EYS: variants seen among roughly 807,000 people sequenced by gnomAD.
EYS encodes the protein EGF-like photoreceptor maintenance factor, also known as protein eyes shut homolog.
A neutral mutation model predicts 282.1 loss-of-function variants in EYS; 250 were observed. That is an observed-to-expected ratio of 0.89 (90% CI 0.80 to 0.98). The LOEUF (loss-of-function observed/expected upper bound fraction) is 0.98, where lower values mean the gene tolerates loss of function less well. Among genes scored for constraint, EYS ranks in the 50% least tolerant of loss-of-function variants. The pLI is 0.00. For synonymous variants in EYS, 1,355 were observed against 1,282.9 expected (o/e 1.06, Z -1.20); for missense variants, 4,016 against 3,709.0 (o/e 1.08, Z -2.15).
At chr6:63,950,930 A>C (rs753164060) in intron 35 of EYS, among the ~76,000 whole-genome samples, 1 of 151,996 alleles carries the variant, frequency 6.6e-6, no homozygotes, top group Non-Finnish European at 1.5e-5. Flanking sequence ...ACTTGGGAAG[A>C]CAGTCTTCCC....
At chr6:65,378,894 G>T (rs922713418) in intron 8 of EYS, among the ~76,000 whole-genome samples, 5 of 151,996 alleles carry the variant, frequency 3.3e-5, no homozygotes, top group African/African-American at 1.2e-4. Flanking sequence ...GGGGGTGGGG[G>T]ACTAGTGGAG....
At chr6:64,974,859 T>C (rs1018574846) in intron 14 of EYS, among the ~76,000 whole-genome samples, 1 of 151,814 alleles carries the variant, frequency 6.6e-6, no homozygotes, top group Non-Finnish European at 1.5e-5. Context: ...AATGACAGTT[T>C]TATGGGTAAG....
intron 30 of EYS, among the ~76,000 whole-genome samples, chr6:64,249,292 T>C (rs900532699): frequency 1.3e-5 from 2 of 151,966 alleles, no homozygotes; most frequent in Non-Finnish European, 2.9e-5. Flanking sequence ...GAAAGACAAA[T>C]AGAACTTGCT....
intron 29 of EYS, among the ~76,000 whole-genome samples, chr6:64,358,526 C>A (rs143461878): frequency 6.6e-6 from 1 of 151,678 alleles, no homozygotes; most frequent in Non-Finnish European, 1.5e-5. Context: ...ACTAGCCACC[C>A]TCAGATCTCA....
intron 35 of EYS, among the ~76,000 whole-genome samples, chr6:63,891,736 G>A (rs1010842627): frequency 6.6e-6 from 1 of 152,058 alleles, no homozygotes; most frequent in Admixed American, 6.5e-5. Flanking sequence ...TCTGGCCAGG[G>A]GAATCAGGCA....
In EYS at chr6:65,490,839, G is replaced by A. The variant is rs551877761; in HGVS notation, c.749-132C>T. The stretch of plus-strand genomic sequence containing the variant: ...TTTCAGTTATGAAACCATGTTATAC[G>A]ATGATGCATTTAAATTGAAATAAAA... On this transcript the variant is annotated intron_variant, in intron 4 of 42. Coordinates refer to ENST00000503581, the MANE Select transcript of EYS (RefSeq NM_001142800.2). 5.4e-4 allele frequency: 342 copies of A among 634,988 alleles called. No individual in the cohort carries two copies. In the East Asian group the frequency reaches 8.4e-3, roughly 16 times the overall value. 39.3% of individuals were successfully genotyped at this position (634,988 alleles called of 1,614,324 possible).
At chr6:65,438,549 CT>C (rs1422718408) in intron 5 of EYS, among the ~76,000 whole-genome samples, 13 of 152,160 alleles carry the variant, frequency 8.5e-5, no homozygotes, top group African/African-American at 1.2e-4. Flanking sequence ...GATCGCCATT[CT>C]AACTGGTGTG....
intron 5 of EYS, among the ~76,000 whole-genome samples, chr6:65,424,663 G>T (rs925613272): frequency 6.6e-6 from 1 of 151,954 alleles, no homozygotes; most frequent in Non-Finnish European, 1.5e-5. Context: ...GTTTATAAAT[G>T]CTTTGGTATT....
intron 14 of EYS, among the ~76,000 whole-genome samples, chr6:64,995,513 A>T (rs536929280): frequency 1.3e-5 from 2 of 152,266 alleles, no homozygotes; most frequent in East Asian, 1.9e-4. Context: ...TTGAGCTTTA[A>T]TATTTTAAGC....
At chr6:65,704,209 C>A (rs561269749) in intron 1 of EYS, among the ~76,000 whole-genome samples, 11 of 152,324 alleles carry the variant, frequency 7.2e-5, no homozygotes, top group Admixed American at 7.2e-4. Context: ...ATTGAGTTCT[C>A]AGCTCACAAA....
chr6:64,508,551 TTTATTATTATTATTA>T lies in EYS; in HGVS notation c.5645-69214_5645-69200del, dbSNP rs34222008. Among the ~76,000 whole-genome samples, 753 of 142,500 alleles carry T rather than the reference TTTATTATTATTATTA, an allele frequency of 5.3e-3. 10 individuals are homozygous for T. Among genetic ancestry groups the T allele is most frequent in the South Asian group, 0.021 (96 of 4,480 alleles). The allele number at this position is 142,500 out of a possible 152,430, so 93.5% of individuals were successfully genotyped here. Reference sequence around the variant, plus strand: ...GGCATGAGTTCTGCTTTTCTAAGTATTTATTATTATTATTATTATTATTATTATTATTATTATTAT... The same window carrying T: ...GGCATGAGTTCTGCTTTTCTAAGTATTTATTATTATTATTATTATTATTAT... On this transcript the variant is annotated intron_variant, in intron 26 of 42. Coordinates refer to ENST00000503581, the MANE Select transcript of EYS (RefSeq NM_001142800.2).
At chr6:64,844,850 C>A (rs7454602) in intron 19 of EYS, among the ~76,000 whole-genome samples, 4,919 of 152,184 alleles carry the variant, frequency 0.032, 206 homozygotes, top group East Asian at 0.24. Context: ...CATTATTTTG[C>A]TGTGATGTTC....
intron 12 of EYS, among the ~76,000 whole-genome samples, chr6:65,061,743 A>G (rs1773581313): frequency 6.6e-6 from 1 of 151,950 alleles, no homozygotes; most frequent in Non-Finnish European, 1.5e-5. Context: ...TACTTCCATC[A>G]TATTCCTCAA....
At chr6:64,270,624 G>A (rs1356957637) in intron 30 of EYS, among the ~76,000 whole-genome samples, 1 of 152,124 alleles carries the variant, frequency 6.6e-6, no homozygotes, top group Non-Finnish European at 1.5e-5. Context: ...ATATGTGAGG[G>A]ATTATAGAAC....
chr6:64,519,615 G>T (rs1232747890), intron 26 of EYS, among the ~76,000 whole-genome samples: 1 of 151,746 alleles, frequency 6.6e-6, no homozygotes, highest in Non-Finnish European at 1.5e-5. Context: ...ACTTTTGAAG[G>T]CTTTGGAAAA....
intron 26 of EYS, among the ~76,000 whole-genome samples, chr6:64,542,964 A>G (rs1261764324): frequency 6.6e-6 from 1 of 152,112 alleles, no homozygotes; most frequent in Admixed American, 6.6e-5. Context: ...TGCATTAGGT[A>G]CAAGTGCCTC....
At chr6:65,133,310 C>T (rs900484165) in intron 12 of EYS, among the ~76,000 whole-genome samples, 6 of 151,668 alleles carry the variant, frequency 4.0e-5, no homozygotes, top group African/African-American at 1.4e-4. Context: ...CAACAAAAAA[C>T]ACCAAACAAG....
intron 7 of EYS, among the ~76,000 whole-genome samples, chr6:65,393,114 T>A (rs1044472124): frequency 2.6e-5 from 4 of 151,448 alleles, no homozygotes; most frequent in Admixed American, 2.6e-4. Flanking sequence ...TAGGTGGGAA[T>A]TGAACAATGA....
intron 21 of EYS, among the ~76,000 whole-genome samples, chr6:64,818,520 C>T (rs139230259): frequency 0.017 from 2,587 of 152,178 alleles, 80 homozygotes; most frequent in African/African-American, 0.059. Flanking sequence ...GGAAGCCAGT[C>T]CGAGTCCCAA....
Sources: allele counts gnomAD v4.1 joint callset (sites outside exome capture counted in the v4.1 genomes callset), GRCh38; gene constraint gnomAD v4.1.1; transcripts MANE v1.5; gene names NCBI Gene and HGNC (gene_info 2026-07-23, HGNC 2026-07-21).